PIH1D2: variants seen among roughly 807,000 people sequenced by gnomAD.
The protein encoded by PIH1D2 is PIH1 domain-containing protein 2.
Under a neutral mutation model 31.2 loss-of-function variants are expected in PIH1D2, and 25 were observed. The observed-to-expected ratio is 0.80, with a 90% confidence interval of 0.58 to 1.12. The LOEUF (loss-of-function observed/expected upper bound fraction) is 1.12. PIH1D2 is among the 50% of genes most tolerant of loss of function. The pLI, the probability that PIH1D2 is intolerant of heterozygous loss-of-function variation, is 0.00. For synonymous variants in PIH1D2, 116 were observed against 119.9 expected (o/e 0.97, Z 0.21); for missense variants, 310 against 356.6 (o/e 0.87, Z 1.05).
intron 5 of PIH1D2, among the ~76,000 whole-genome samples, chr11:112,068,993 T>TTG (rs1865025002): frequency 1.4e-5 from 2 of 146,930 alleles, no homozygotes; most frequent in African/African-American, 5.1e-5. Context: ...TTTTTTTTTT[T>TTG]TTTTGTTTTT....
At chr11:112,060,880 T>C (rs1485802627), downstream of PIH1D2, among the ~76,000 whole-genome samples, 4 of 152,246 alleles carry the variant, frequency 2.6e-5, no homozygotes, top group African/African-American at 9.6e-5. Flanking sequence ...TTTTTGTTCA[T>C]ATTGTAATGG....
the PIH1D2 span, among the ~76,000 whole-genome samples, chr11:112,055,847 ACTTTTTTTT>A: frequency 2.0e-5 from 1 of 49,672 alleles, no homozygotes; most frequent in African/African-American, 7.0e-5. Context: ...GCATATAGAC[ACTTTTTTTT>A]TTTTTTTTTT....
At chr11:112,058,616 A>AGGGG (rs587768977), downstream of PIH1D2, among the ~76,000 whole-genome samples, 1 of 59,008 alleles carries the variant, frequency 1.7e-5, no homozygotes, top group African/African-American at 7.0e-5. Flanking sequence ...GGGTGGGGGA[A>AGGGG]GGGGGGGGTG....
chr11:112,071,828 C>T lies in PIH1D2; in HGVS notation c.178-70G>A. On this transcript the variant is annotated intron_variant, in intron 2 of 5. Coordinates refer to ENST00000280350, the MANE Select transcript of PIH1D2 (RefSeq NM_138789.4). Reference sequence around the variant, plus strand: ...CCATTTAAGGCCAGGCATGGTGGCTCCCGCCTGTAATCCGAGCACTTTGGG... The same window carrying T: ...CCATTTAAGGCCAGGCATGGTGGCTTCCGCCTGTAATCCGAGCACTTTGGG... 1.9e-6 allele frequency: 3 copies of T among 1,547,902 alleles called. No homozygotes were observed. The South Asian group carries it at 3.5e-5, about 18-fold the overall frequency.
At chr11:112,064,122 A>G (rs1555183584), downstream of PIH1D2, 4 of 1,439,020 alleles carry the variant, frequency 2.8e-6, no homozygotes, top group Non-Finnish European at 3.7e-6. Context: ...AAACAAGCTT[A>G]TCACAAGGGA....
chr11:112,066,530 C>A (rs1010996263), downstream of PIH1D2, among the ~76,000 whole-genome samples: 1 of 150,178 alleles, frequency 6.7e-6, no homozygotes, highest in African/African-American at 2.5e-5. Flanking sequence ...CCCAGCTACT[C>A]GGGAGGCTGA....
At chr11:112,064,039 T>C, downstream of PIH1D2, 1 of 771,804 alleles carries the variant, frequency 1.3e-6, no homozygotes, top group Non-Finnish European at 2.0e-6. Context: ...TACCTTGCTG[T>C]ATTATTATGA....
At chr11:112,059,752 A>T, downstream of PIH1D2, 1 of 614,536 alleles carries the variant, frequency 1.6e-6, no homozygotes, top group Non-Finnish European at 2.7e-6. Flanking sequence ...TGTAAAAATT[A>T]GGATAGACAT....
Position 112,070,600 on chromosome 11 carries a change from G to A in PIH1D2, c.649C>T (p.Leu217=). Residue 217 remains leucine, a synonymous_variant, in exon 5 of 6, where the codon CTG becomes TTG. Coordinates refer to ENST00000280350, the MANE Select transcript of PIH1D2 (RefSeq NM_138789.4). ...TCAGTACTGGAAATCTCTTCTATCA[G>A]ACACACTGCTTTGCCTGAAACTTGG... is the stretch of plus-strand genomic sequence containing the variant. ...KDQVSGKAVC[L]IEEISSTEIQ... The A allele has an allele frequency of 6.2e-7, 1 of 1,614,090 alleles. No individual in the cohort carries two copies. Among genetic ancestry groups the A allele is most frequent in the South Asian group, 1.1e-5 (1 of 91,066 alleles).
chr11:112,065,130 G>A (rs1339354009), downstream of PIH1D2, among the ~76,000 whole-genome samples: 3 of 152,034 alleles, frequency 2.0e-5, no homozygotes, highest in African/African-American at 4.8e-5. Flanking sequence ...GAGCCACCAC[G>A]CCCAGCCTCC....
In PIH1D2 at chr11:112,071,258, G is replaced by T; in HGVS notation, c.327C>A (p.Ala109=). 2 of 1,613,454 alleles carry T rather than the reference G, an allele frequency of 1.2e-6. No homozygotes were observed. The highest frequency in any genetic ancestry group is 1.1e-5 in the South Asian group (1 of 90,994). Residue 109 remains alanine (A), a synonymous_variant, in exon 4 of 6, where the codon GCC becomes GCA. Coordinates refer to ENST00000280350, the MANE Select transcript of PIH1D2 (RefSeq NM_138789.4). ...CTGCATGAAGAACATCAGGATTGTA[G>T]GCAACATCAATGACTGTGTAAGCAT... The part of the protein sequence containing the change: ...ISDAYTVIDV[A]YNPDVLHAAE...
chr11:112,068,143 T>C (rs1044648438), intron 5 of PIH1D2, 138 bp from the exon 6 acceptor site: 12 of 605,542 alleles, frequency 2.0e-5, no homozygotes, highest in Non-Finnish European at 2.8e-5. Flanking sequence ...AAAATTACTG[T>C]TGTAAATCCC....
intron 2 of PIH1D2, 186 bp downstream of exon 2, chr11:112,072,812 C>G: frequency 1.7e-6 from 1 of 585,216 alleles, no homozygotes; most frequent in Non-Finnish European, 2.8e-6. Context: ...TGCAGCGAGC[C>G]AAGACCACAC....
chr11:112,064,629 T>C (rs895357669), downstream of PIH1D2, among the ~76,000 whole-genome samples: 2 of 152,162 alleles, frequency 1.3e-5, no homozygotes, highest in African/African-American at 4.8e-5. Context: ...GTGGTCTGGT[T>C]CTGTTAGGTG....
downstream of PIH1D2, among the ~76,000 whole-genome samples, chr11:112,067,374 T>C (rs979816541): frequency 1.3e-5 from 2 of 150,952 alleles, no homozygotes; most frequent in Non-Finnish European, 3.0e-5. Flanking sequence ...TTAAAAAATA[T>C]AAGACATGGC....
chr11:112,053,545 C>T, the PIH1D2 span, among the ~76,000 whole-genome samples: 2 of 151,988 alleles, frequency 1.3e-5, no homozygotes, highest in African/African-American at 2.4e-5. Context: ...CTCCGCCTCC[C>T]GAGTTCAAGC....
rs1238503104 is a variant in PIH1D2, at chr11:112,068,142, G to A, written c.814-137C>T. The A allele has an allele frequency of 2.7e-5, 16 of 603,256 alleles. No homozygotes were observed. In the East Asian group the frequency reaches 2.9e-4, roughly 11 times the overall value. 37.4% of individuals were successfully genotyped at this position (603,256 alleles called of 1,614,324 possible). A position where few individuals can be genotyped will look rare whatever the true frequency, so the allele number is the denominator to read the frequency against. ...GACTTGGAATGAGCAAAAAATTACTGTTGTAAATCCCTTAGATTTTAAGGT... is the reference window on the plus strand; with the variant it reads ...GACTTGGAATGAGCAAAAAATTACTATTGTAAATCCCTTAGATTTTAAGGT... On this transcript the variant is annotated intron_variant, in intron 5 of 5. Coordinates refer to ENST00000280350, the MANE Select transcript of PIH1D2 (RefSeq NM_138789.4).
chr11:112,053,513 C>T, the PIH1D2 span, among the ~76,000 whole-genome samples: 3 of 151,896 alleles, frequency 2.0e-5, no homozygotes, highest in East Asian at 1.9e-4. Flanking sequence ...AGTGCAGTGG[C>T]GTGATCTTGG....
chr11:112,067,821 A>C lies in PIH1D2; in HGVS notation c.*50T>G. The C allele has an allele frequency of 6.3e-7, 1 of 1,598,590 alleles. No individual in the cohort carries two copies. Among genetic ancestry groups the C allele is most frequent in the Non-Finnish European group, 8.5e-7 (1 of 1,174,712 alleles). On this transcript the variant is annotated 3_prime_UTR_variant, in exon 6 of 6. Transcript: ENST00000280350. ...TCTTTAGCCAAAATGAAGGTCCTTT[A>C]ATTCACATGACTTTAGCACTGAAAA... is the stretch of plus-strand genomic sequence containing the variant.
Sources: allele counts gnomAD v4.1 joint callset (sites outside exome capture counted in the v4.1 genomes callset), GRCh38; gene constraint gnomAD v4.1.1; transcripts MANE v1.5; gene names NCBI Gene and HGNC (gene_info 2026-07-23, HGNC 2026-07-21).